BBS2: variants seen among roughly 807,000 people sequenced by gnomAD.
The protein encoded by BBS2 is Bardet-Biedl syndrome 2.
A neutral mutation model predicts 83.0 loss-of-function variants in BBS2; 62 were observed. That is an observed-to-expected ratio of 0.75 (90% CI 0.61 to 0.92). The LOEUF (loss-of-function observed/expected upper bound fraction) is 0.92. Ranked by LOEUF, BBS2 falls within the 40% of genes least tolerant of loss-of-function variation. The probability of loss-of-function intolerance (pLI) is 0.00; values close to 1 mark genes in which losing one functional copy is unlikely to be tolerated. For synonymous variants in BBS2, 303 were observed against 326.1 expected (o/e 0.93, Z 0.76); for missense variants, 784 against 901.0 (o/e 0.87, Z 1.66).
chr16:56,511,247 A>C lies in BBS2; in HGVS notation c.383T>G (p.Leu128Trp), dbSNP rs1964568798. Reference protein sequence around the residue: ...DGANAIVLGTLGDISSPLAII... With the variant: ...DGANAIVLGTWGDISSPLAII... Reference sequence around the variant, plus strand: ...CGCAAGAGGGGAAGAAATGTCTCCCAATGTCCCCAGCACAATTGCATTTGC... The same window carrying C: ...CGCAAGAGGGGAAGAAATGTCTCCCCATGTCCCCAGCACAATTGCATTTGC... Residue 128 changes from leucine to tryptophan, a missense_variant, in exon 3 of 17, where the codon TTG (leucine) becomes TGG (tryptophan). Transcript: ENST00000245157. 6.2e-7 allele frequency: 1 copy of C among 1,614,116 alleles called. No individual in the cohort carries two copies. Among genetic ancestry groups the C allele is most frequent in the African/African-American group, 1.3e-5 (1 of 75,040 alleles).
At chr16:56,483,576 T>C (rs1023814363), downstream of BBS2, among the ~76,000 whole-genome samples, 2 of 152,220 alleles carry the variant, frequency 1.3e-5, no homozygotes, top group Non-Finnish European at 2.9e-5. Flanking sequence ...TTTTGAGGTC[T>C]ATTTGTTACA....
chr16:56,500,327 CAG>C (rs1290892784), intron 11 of BBS2: 3 of 263,440 alleles, frequency 1.1e-5, no homozygotes, highest in African/African-American at 6.9e-5. Context: ...TGACTAAAAA[CAG>C]AAAATAATGA....
Position 56,471,235 on chromosome 16 carries a change from G to A in BBS2, c.*1-540C>T, listed in dbSNP as rs1457491045. Among the ~76,000 whole-genome samples, 8 of 151,702 alleles carry A rather than the reference G, an allele frequency of 5.3e-5. No homozygotes were observed. In the South Asian group the frequency reaches 6.3e-4, roughly 12 times the overall value. On this transcript the variant is annotated intron_variant, in intron 17 of 17. Coordinates refer to the BBS2 transcript ENST00000682047. ...AAATTTGCCAGGCATGGTGGTGAAC[G>A]CCTGTAATCCAAGCTACTCAGGAGG...
rs771822557 is a variant in BBS2 at position 56,496,986 on chromosome 16, C to T, written c.1891G>A (p.Ala631Thr). 24 of 1,613,694 alleles carry T rather than the reference C, an allele frequency of 1.5e-5. No individual in the cohort carries two copies. The highest frequency in any genetic ancestry group is 1.6e-4 in the Middle Eastern group (1 of 6,084). The change falls in exon 15 of 17, where the codon GCT becomes ACT. Residue 631 changes from alanine to threonine, a missense_variant. Coordinates refer to ENST00000245157, the MANE Select transcript of BBS2 (RefSeq NM_031885.5). ...IRSLLVGAED[A>T]RLMRDMKTMK... Reference sequence around the variant, plus strand: ...ACTCACATGTCCCTCATCAGACGAGCATCCTCAGCTCCGACCAGCAAACTT... The same window carrying T: ...ACTCACATGTCCCTCATCAGACGAGTATCCTCAGCTCCGACCAGCAAACTT...
intron 17 of BBS2, among the ~76,000 whole-genome samples, chr16:56,474,071 T>C (rs897493847): frequency 1.3e-5 from 2 of 152,020 alleles, no homozygotes; most frequent in African/African-American, 4.8e-5. Context: ...AGAGGAGTAC[T>C]AACCTTCTGT....
intron 5 of BBS2, 110 bp downstream of exon 5, chr16:56,509,847 C>G (rs1265942656): frequency 1.7e-6 from 2 of 1,178,426 alleles, no homozygotes; most frequent in South Asian, 2.5e-5. Flanking sequence ...AGCTTTTATC[C>G]TAAAACCACC....
At chr16:56,492,691 T>C (rs1963992180) in intron 15 of BBS2, among the ~76,000 whole-genome samples, 1 of 152,180 alleles carries the variant, frequency 6.6e-6, no homozygotes. Flanking sequence ...AAATTAAAAC[T>C]AAGAGACCAT....
At chr16:56,493,400 A>G (rs971131508) in intron 15 of BBS2, among the ~76,000 whole-genome samples, 9 of 151,430 alleles carry the variant, frequency 5.9e-5, no homozygotes, top group Non-Finnish European at 1.2e-4. Flanking sequence ...AAAAAAAAAA[A>G]AAAAAAAAAC....
chr16:56,498,422 G>A lies in BBS2; in HGVS notation c.1659+15C>T. 6.2e-7 allele frequency: 1 copy of A among 1,613,682 alleles called. No homozygotes were observed. The highest frequency in any genetic ancestry group is 8.5e-7 in the Non-Finnish European group (1 of 1,179,796). ...TTCAAAAAAGAAATCTATGCCCCGT[G>A]ATATTAAACATTACCTCTCCACTAA... On this transcript the variant is annotated intron_variant, in intron 13 of 16. Transcript: ENST00000245157.
Position 56,519,943 on chromosome 16 carries a change from T to C in BBS2, c.-81A>G. The C allele has an allele frequency of 8.0e-7, 1 of 1,243,580 alleles. No homozygotes were observed. The highest frequency in any genetic ancestry group is 1.2e-6 in the Non-Finnish European group (1 of 852,614). 77.0% of individuals were successfully genotyped at this position (1,243,580 alleles called of 1,614,324 possible). On this transcript the variant is annotated 5_prime_UTR_variant, in exon 1 of 17. Transcript: ENST00000245157. ...TGGCCTCACGCGCCCGGGCAAGAAG[T>C]GCAGGGACACTACCTGCGCGGCCCC...
chr16:56,470,662 G>C (rs748206071), exon 18 of BBS2: 2 of 1,614,162 alleles, frequency 1.2e-6, no homozygotes, highest in Non-Finnish European at 1.7e-6. Flanking sequence ...AGAAACCACT[G>C]ATATCACTGA....
chr16:56,515,259 C>T (rs1318036024), intron 1 of BBS2, among the ~76,000 whole-genome samples: 13 of 152,158 alleles, frequency 8.5e-5, no homozygotes, highest in Admixed American at 7.9e-4. Flanking sequence ...ATAAATTCAA[C>T]AGTTTCAACT....
At chr16:56,492,007 A>G (rs2144115369) in intron 15 of BBS2, among the ~76,000 whole-genome samples, 1 of 151,904 alleles carries the variant, frequency 6.6e-6, no homozygotes, top group East Asian at 1.9e-4. Context: ...TGGTGCAGCC[A>G]CTATGGAAAA....
At chr16:56,487,545 G>C (rs1434014251) in intron 15 of BBS2, among the ~76,000 whole-genome samples, 1 of 152,020 alleles carries the variant, frequency 6.6e-6, no homozygotes, top group African/African-American at 2.4e-5. Context: ...CTTAAAATTG[G>C]TAACATCCAG....
At chr16:56,500,761 C>T (rs1964246671) in intron 11 of BBS2, 93 bp downstream of exon 11, 16 of 1,312,224 alleles carry the variant, frequency 1.2e-5, no homozygotes, top group Non-Finnish European at 1.7e-5. Context: ...GTTTCTCAGG[C>T]CCCCAAGAAT....
chr16:56,480,376 A>ACAAAAAAAAAAC (rs756371353), downstream of BBS2, among the ~76,000 whole-genome samples: 2 of 142,402 alleles, frequency 1.4e-5, no homozygotes, highest in South Asian at 2.3e-4. Flanking sequence ...CAAAAAAAAA[A>ACAAAAAAAAAAC]ACAAAGCTTG....
In BBS2 at chr16:56,476,180, A is replaced by G. The variant is rs770689090; in HGVS notation, c.*1-5485T>C. ...TTCCCAAACAGAACAGGTTTCTGGG[A>G]CTTTTCATTCATCTATTATGAATGA... is the stretch of plus-strand genomic sequence containing the variant. On this transcript the variant is annotated intron_variant, in intron 17 of 17. Coordinates refer to the BBS2 transcript ENST00000682047. 5.0e-6 allele frequency: 8 copies of G among 1,612,170 alleles called. No individual in the cohort carries two copies. The highest frequency in any genetic ancestry group is 6.8e-6 in the Non-Finnish European group (8 of 1,179,868).
intron 9 of BBS2, chr16:56,501,780 C>A: frequency 4.4e-6 from 2 of 457,994 alleles, no homozygotes; most frequent in East Asian, 4.3e-5. Context: ...AGTAAGCAAA[C>A]AAATTCCCTT....
intron 1 of BBS2, among the ~76,000 whole-genome samples, chr16:56,517,777 C>G (rs1360128142): frequency 6.6e-6 from 1 of 151,676 alleles, no homozygotes; most frequent in Admixed American, 6.6e-5. Flanking sequence ...TGCTATGCAC[C>G]TACAGCACAA....
Sources: gnomAD v4.1 joint callset for allele counts (sites outside exome capture counted in the v4.1 genomes callset) on GRCh38, gnomAD v4.1.1 for gene constraint, MANE v1.5 for transcripts, NCBI Gene and HGNC (gene_info 2026-07-23, HGNC 2026-07-21) for gene names.